Variants in CD96 observed in about 807,000 individuals in gnomAD.
The protein encoded by CD96 is CD96 molecule.
In CD96, 70 loss-of-function variants were observed where a neutral mutation model predicts 71.3. The ratio of observed to expected loss-of-function variants is 0.98; its 90% CI spans 0.81 to 1.20. The LOEUF (loss-of-function observed/expected upper bound fraction) is 1.20, where lower values mean the gene tolerates loss of function less well. Among genes scored for constraint, CD96 ranks in the 50% most tolerant of loss-of-function variants. The probability of loss-of-function intolerance (pLI) is 0.00; values close to 1 mark genes in which losing one functional copy is unlikely to be tolerated. For missense variants in CD96, 742 were observed against 677.5 expected, an observed-to-expected ratio of 1.10 and a Z score of -1.06; for synonymous variants, 248 against 233.0, an observed-to-expected ratio of 1.06 and a Z score of -0.59.
intron 10 of CD96, among the ~76,000 whole-genome samples, chr3:111,631,091 A>G (rs1319472837): frequency 6.6e-6 from 1 of 152,216 alleles, no homozygotes; most frequent in Non-Finnish European, 1.5e-5. Flanking sequence ...AAACCGGTAC[A>G]GGGTTGCCCT....
At chr3:111,569,247 T>C (rs1437143466) in intron 3 of CD96, among the ~76,000 whole-genome samples, 1 of 152,240 alleles carries the variant, frequency 6.6e-6, no homozygotes, top group Non-Finnish European at 1.5e-5. Context: ...TTTCACTGTC[T>C]AGGTATTTTT....
Position 111,611,718 on chromosome 3 carries a change from G to A in CD96, c.1180+4926G>A, listed in dbSNP as rs138105624. 2.3e-3 allele frequency among the ~76,000 whole-genome samples: 345 copies of A among 152,312 alleles called. 1 individual carries two copies. The highest frequency in any genetic ancestry group is 8.1e-3 in the African/African-American group (335 of 41,562). The stretch of plus-strand genomic sequence containing the variant: ...GGTCTGGAAGAAAATACTGACTCAG[G>A]TGGAAGAAAGATGAGAAATGGATCT... On this transcript the variant is annotated intron_variant, in intron 8 of 13. Coordinates refer to ENST00000352690, the MANE Select transcript of CD96 (RefSeq NM_005816.5).
At chr3:111,649,181 G>A (rs149766358) in intron 13 of CD96, among the ~76,000 whole-genome samples, 2 of 152,250 alleles carry the variant, frequency 1.3e-5, no homozygotes, top group South Asian at 2.1e-4. Flanking sequence ...AGTCTCTGGA[G>A]GAATATTTTA....
chr3:111,644,206 A>G (rs1168786725), intron 12 of CD96, among the ~76,000 whole-genome samples: 2 of 152,182 alleles, frequency 1.3e-5, no homozygotes, highest in Non-Finnish European at 2.9e-5. Flanking sequence ...GCAAACAAAA[A>G]CATAAAGTGG....
chr3:111,632,410 C>T (rs566562451), intron 10 of CD96, among the ~76,000 whole-genome samples: 3 of 152,054 alleles, frequency 2.0e-5, no homozygotes, highest in South Asian at 2.1e-4. Flanking sequence ...AAATCGAAAC[C>T]GCAATGAGAT....
chr3:111,577,687 C>A, intron 3 of CD96: 2 of 750,004 alleles, frequency 2.7e-6, no homozygotes, highest in Non-Finnish European at 4.9e-6. Flanking sequence ...ATAAGAGTTT[C>A]TACTAAGTAT....
intron 4 of CD96, among the ~76,000 whole-genome samples, chr3:111,582,109 C>T (rs1936493520): frequency 6.6e-6 from 1 of 152,172 alleles, no homozygotes; most frequent in Admixed American, 6.5e-5. Context: ...CTGGGACTCC[C>T]AGTTTTTACT....
intron 2 of CD96, among the ~76,000 whole-genome samples, chr3:111,552,397 C>A (rs1431510233): frequency 6.6e-6 from 1 of 152,130 alleles, no homozygotes; most frequent in African/African-American, 2.4e-5. Flanking sequence ...GGGCTCTAAC[C>A]AGACACCAAA....
At chr3:111,546,607 G>A (rs890602031) in intron 2 of CD96, among the ~76,000 whole-genome samples, 8 of 152,038 alleles carry the variant, frequency 5.3e-5, no homozygotes, top group African/African-American at 1.9e-4. Flanking sequence ...AACAATGAAA[G>A]TGAAAGCCAA....
chr3:111,660,046 G>A (rs960792804), intron 14 of CD96, among the ~76,000 whole-genome samples: 1 of 152,154 alleles, frequency 6.6e-6, no homozygotes, highest in African/African-American at 2.4e-5. Flanking sequence ...GCAAGAGAAA[G>A]AAACAAAAGC....
At chr3:111,655,216 A>C (rs1940200801), downstream of CD96, among the ~76,000 whole-genome samples, 2 of 152,208 alleles carry the variant, frequency 1.3e-5, no homozygotes, top group Admixed American at 1.3e-4. Context: ...ACAGTAATAA[A>C]TAAGAATTGA....
At chr3:111,646,759 A>C (rs1437394225) in intron 12 of CD96, among the ~76,000 whole-genome samples, 1 of 152,106 alleles carries the variant, frequency 6.6e-6, no homozygotes, top group Non-Finnish European at 1.5e-5. Context: ...ATAAAGACAC[A>C]TGGACACGTA....
At chr3:111,572,804 A>T (rs1936044814) in intron 3 of CD96, among the ~76,000 whole-genome samples, 1 of 152,242 alleles carries the variant, frequency 6.6e-6, no homozygotes, top group Non-Finnish European at 1.5e-5. Context: ...CCTCATAGGA[A>T]AGGTTATAAT....
intron 13 of CD96, among the ~76,000 whole-genome samples, chr3:111,648,132 T>C (rs1939919532): frequency 6.6e-6 from 1 of 152,222 alleles, no homozygotes; most frequent in Admixed American, 6.5e-5. Flanking sequence ...CTTTTCTTTT[T>C]TTCCCAAGCA....
At chr3:111,576,552 T>C (rs1263570149) in intron 3 of CD96, among the ~76,000 whole-genome samples, 1 of 152,198 alleles carries the variant, frequency 6.6e-6, no homozygotes, top group East Asian at 1.9e-4. Flanking sequence ...TTAGTACAAA[T>C]TGTATCTGAG....
intron 10 of CD96, chr3:111,633,538 A>G (rs1202492408): frequency 1.3e-5 from 2 of 152,272 alleles, no homozygotes; most frequent in African/African-American, 4.8e-5. Flanking sequence ...CAAATGCAGT[A>G]TCTGTGTCTG....
chr3:111,558,390 G>T lies in CD96; in HGVS notation c.419-9133G>T, dbSNP rs1335790987. Among the ~76,000 whole-genome samples, 1,209 of 124,226 alleles carry T rather than the reference G, an allele frequency of 9.7e-3. 3 individuals are homozygous for T. Among genetic ancestry groups the T allele is most frequent in the Middle Eastern group, 0.016 (4 of 258 alleles). The allele number at this position is 124,226 out of a possible 152,430, so 81.5% of individuals were successfully genotyped here. Reference sequence around the variant, plus strand: ...TTTTGAAATACGTCCCATCAATACCGAATTTATTGAGAGTTTTTAGCATGA... The same window carrying T: ...TTTTGAAATACGTCCCATCAATACCTAATTTATTGAGAGTTTTTAGCATGA... On this transcript the variant is annotated intron_variant, in intron 2 of 13. Transcript: ENST00000352690.
chr3:111,624,635 G>GA (rs367964032), intron 10 of CD96, among the ~76,000 whole-genome samples: 1 of 152,228 alleles, frequency 6.6e-6, no homozygotes, highest in African/African-American at 2.4e-5. Flanking sequence ...TAAGTTATAT[G>GA]AAAAAAAGGC....
At chr3:111,624,435 T>A in intron 10 of CD96, 31 bp downstream of exon 10, 2 of 1,237,518 alleles carry the variant, frequency 1.6e-6, no homozygotes, top group Non-Finnish European at 2.4e-6. Context: ...CCTTGAGTCC[T>A]CTGGACTTCA....
Sources: allele counts gnomAD v4.1 joint callset (sites outside exome capture counted in the v4.1 genomes callset), GRCh38; gene constraint gnomAD v4.1.1; transcripts MANE v1.5; gene names NCBI Gene and HGNC (gene_info 2026-07-23, HGNC 2026-07-21).